The following MAL2 variants were observed in gnomAD, a reference collection of about 807,000 sequenced individuals.
MAL2 encodes mal, T cell differentiation protein 2.
Under a neutral mutation model 18.1 loss-of-function variants are expected in MAL2, and 17 were observed. That is an observed-to-expected ratio of 0.94 (90% CI 0.64 to 1.41). The LOEUF (loss-of-function observed/expected upper bound fraction) is 1.41. MAL2 is among the 40% of genes most tolerant of loss of function. MAL2 has a pLI of 0.00. For synonymous variants in MAL2, 102 were observed against 102.3 expected, an observed-to-expected ratio of 1.00 and a Z score of 0.02; for missense variants, 222 against 231.9, an observed-to-expected ratio of 0.96 and a Z score of 0.28.
intron 2 of MAL2, among the ~76,000 whole-genome samples, 162 bp downstream of exon 2, chr8:119,221,919 A>G (rs1817471505): frequency 6.6e-6 from 1 of 152,194 alleles, no homozygotes; most frequent in African/African-American, 2.4e-5. Flanking sequence ...GGCTGCCTTG[A>G]TGGACAACAG....
chr8:119,214,201 G>A (rs1817308677), intron 1 of MAL2, among the ~76,000 whole-genome samples: 1 of 152,196 alleles, frequency 6.6e-6, no homozygotes, highest in Non-Finnish European at 1.5e-5. Flanking sequence ...CTACTTGTTT[G>A]TTCTATAGTA....
At chr8:119,218,805 G>A (rs1228943148) in intron 1 of MAL2, among the ~76,000 whole-genome samples, 1 of 151,984 alleles carries the variant, frequency 6.6e-6, no homozygotes, top group Non-Finnish European at 1.5e-5. Flanking sequence ...TTATCTATTT[G>A]GCTCTGCCTG....
At chr8:119,221,457 G>T in intron 1 of MAL2, 130 bp from the exon 2 acceptor site, 1 of 1,070,456 alleles carries the variant, frequency 9.3e-7, no homozygotes. Context: ...GAAGGGATGG[G>T]GTTGCTGGAA....
chr8:119,214,542 T>C (rs933252865), intron 1 of MAL2, among the ~76,000 whole-genome samples: 6 of 152,186 alleles, frequency 3.9e-5, no homozygotes, highest in African/African-American at 1.4e-4. Flanking sequence ...CTAAAAGTGA[T>C]AACTAGTTAC....
chr8:119,212,230 T>C (rs13281087), intron 1 of MAL2, among the ~76,000 whole-genome samples: 32,152 of 152,140 alleles, frequency 0.21, 4,157 homozygotes, highest in East Asian at 0.57. Context: ...ACAAGAAAAA[T>C]TGAATTTTTA....
intron 2 of MAL2, among the ~76,000 whole-genome samples, chr8:119,232,553 C>T (rs975846821): frequency 1.3e-5 from 2 of 152,020 alleles, no homozygotes; most frequent in African/African-American, 2.4e-5. Flanking sequence ...GCCTAATAAA[C>T]GAGTTCTTAT....
At chr8:119,233,081 A>G (rs184831266) in intron 2 of MAL2, among the ~76,000 whole-genome samples, 2 of 152,314 alleles carry the variant, frequency 1.3e-5, no homozygotes, top group East Asian at 1.9e-4. Context: ...GGTTGGGTAC[A>G]TAACAAAATG....
In MAL2 at chr8:119,241,934, C is replaced by CGT. The variant is rs1408100817; in HGVS notation, c.460-1483_460-1482insGT. Among the ~76,000 whole-genome samples, 3 of 152,102 alleles carry CGT rather than the reference C, an allele frequency of 2.0e-5. No individual in the cohort carries two copies. The East Asian group carries it at 5.8e-4, about 29-fold the overall frequency. On this transcript the variant is annotated intron_variant, in intron 3 of 3. Transcript: ENST00000614891. The stretch of plus-strand genomic sequence containing the variant: ...TTCTCTTTTCATAAAGCTGCCTCTA[C>CGT]CCACCCATATCATCCCTGAGGATGA...
chr8:119,233,435 CTAAT>C (rs1024726753), intron 2 of MAL2, among the ~76,000 whole-genome samples: 50 of 151,954 alleles, frequency 3.3e-4, no homozygotes, highest in African/African-American at 1.2e-3. Context: ...GCTAGCAAGA[CTAAT>C]AAAGAAGAAA....
chr8:119,233,992 C>T (rs1380292550), intron 2 of MAL2, among the ~76,000 whole-genome samples: 5 of 152,150 alleles, frequency 3.3e-5, no homozygotes, highest in African/African-American at 1.2e-4. Context: ...CAGTCTACAG[C>T]TCCCAGCGTG....
intron 3 of MAL2, among the ~76,000 whole-genome samples, chr8:119,240,954 A>G (rs1261004346): frequency 1.3e-5 from 2 of 152,086 alleles, no homozygotes; most frequent in Non-Finnish European, 2.9e-5. Flanking sequence ...TTGAGGAAAT[A>G]ATATATTATT....
At chr8:119,228,166 T>C (rs1048730607) in intron 2 of MAL2, among the ~76,000 whole-genome samples, 1 of 152,138 alleles carries the variant, frequency 6.6e-6, no homozygotes, top group Non-Finnish European at 1.5e-5. Context: ...TCTTGAAGTT[T>C]AGTGGCAACT....
chr8:119,225,921 T>C (rs1817585847), intron 2 of MAL2, among the ~76,000 whole-genome samples: 1 of 152,214 alleles, frequency 6.6e-6, no homozygotes, highest in South Asian at 2.1e-4. Flanking sequence ...ATGTCTTCTT[T>C]TGAGAAGTGT....
intron 1 of MAL2, among the ~76,000 whole-genome samples, chr8:119,210,534 T>C (rs1160649907): frequency 1.3e-5 from 2 of 152,136 alleles, no homozygotes; most frequent in African/African-American, 4.8e-5. Context: ...TCAGAATCTC[T>C]GGGGGAGTGC....
chr8:119,220,952 C>T (rs1256797227), intron 1 of MAL2: 1 of 152,158 alleles, frequency 6.6e-6, no homozygotes, highest in African/African-American at 2.4e-5. Flanking sequence ...ATTCCCAGCA[C>T]CTGGCATAGT....
chr8:119,223,084 C>T (rs1817503609), intron 2 of MAL2, among the ~76,000 whole-genome samples: 2 of 152,136 alleles, frequency 1.3e-5, no homozygotes, highest in South Asian at 4.1e-4. Context: ...TATATATATT[C>T]CTTTCAAGTA....
chr8:119,226,915 C>G (rs537761546), intron 2 of MAL2, among the ~76,000 whole-genome samples: 234 of 152,278 alleles, frequency 1.5e-3, no homozygotes, highest in Non-Finnish European at 2.5e-3. Flanking sequence ...TCTGGGCTGT[C>G]AAATGCAATG....
At chr8:119,238,470 C>A (rs1016175501) in intron 2 of MAL2, among the ~76,000 whole-genome samples, 4 of 152,096 alleles carry the variant, frequency 2.6e-5, no homozygotes, top group African/African-American at 9.7e-5. Context: ...ATCGCCAAGT[C>A]AATCCTAAGC....
intron 2 of MAL2, among the ~76,000 whole-genome samples, chr8:119,232,881 C>T (rs1452817277): frequency 1.3e-5 from 2 of 152,048 alleles, no homozygotes; most frequent in Admixed American, 1.3e-4. Context: ...GTTCAGTTTC[C>T]ATGTAGCTGA....
Sources: allele counts gnomAD v4.1 joint callset (sites outside exome capture counted in the v4.1 genomes callset), GRCh38; gene constraint gnomAD v4.1.1; transcripts MANE v1.5; gene names NCBI Gene and HGNC (gene_info 2026-07-23, HGNC 2026-07-21).